Variants in DHCR7 observed in about 807,000 individuals in gnomAD.
The protein encoded by DHCR7 is 7-dehydrocholesterol reductase.
Under a neutral mutation model 43.3 loss-of-function variants are expected in DHCR7, and 40 were observed. That is an observed-to-expected ratio of 0.92 (90% CI 0.72 to 1.20). DHCR7 has a LOEUF of 1.20. Among genes scored for constraint, DHCR7 ranks in the 50% most tolerant of loss-of-function variants. DHCR7 has a pLI of 0.00. For missense variants in DHCR7, 608 were observed against 644.6 expected, an observed-to-expected ratio of 0.94 and a Z score of 0.62; for synonymous variants, 298 against 271.4, an observed-to-expected ratio of 1.10 and a Z score of -0.96.
At chr11:71,442,555 G>A (rs908033830) in intron 4 of DHCR7, among the ~76,000 whole-genome samples, 2 of 152,142 alleles carry the variant, frequency 1.3e-5, no homozygotes, top group Non-Finnish European at 2.9e-5. Context: ...GTGCCAAGGC[G>A]TTCTCCCCCA....
intron 4 of DHCR7, among the ~76,000 whole-genome samples, chr11:71,442,641 T>C (rs1265558188): frequency 6.6e-6 from 1 of 152,042 alleles, no homozygotes; most frequent in Non-Finnish European, 1.5e-5. Flanking sequence ...CCCATAAAAT[T>C]CAACTTTTTA....
At chr11:71,442,200 A>G in intron 5 of DHCR7, 63 bp downstream of exon 5, 2 of 1,227,192 alleles carry the variant, frequency 1.6e-6, no homozygotes, top group Non-Finnish European at 2.4e-6. Context: ...GCTGGGGAGG[A>G]CTGGCCCCTG....
chr11:71,435,114 C>T lies in DHCR7; in HGVS notation c.*261G>A, dbSNP rs886048617. On this transcript the variant is annotated 3_prime_UTR_variant, in exon 9 of 9. Transcript: ENST00000355527. ...GGACTAGTAAAGGTGACTGGGTCAT[C>T]CTCCTGCCCCAGGGACACTGATTAG... 9 of 662,634 alleles carry T rather than the reference C, an allele frequency of 1.4e-5. No homozygotes were observed. The highest frequency in any genetic ancestry group is 2.4e-4 in the Middle Eastern group (1 of 4,212). 41.0% of individuals were successfully genotyped at this position (662,634 alleles called of 1,614,324 possible). A position where few individuals can be genotyped will look rare whatever the true frequency, so the allele number is the denominator to read the frequency against.
Position 71,441,392 on chromosome 11 carries a change from G to C in DHCR7, c.461C>G (p.Thr154Arg), listed in dbSNP as rs143312232. 3.4e-4 allele frequency: 543 copies of C among 1,613,950 alleles called. No homozygotes were observed. The highest frequency in any genetic ancestry group is 4.5e-4 in the Non-Finnish European group (526 of 1,179,930). Residue 154 changes from threonine to arginine, a missense_variant, in exon 6 of 9, where the codon ACG becomes AGG. Coordinates refer to ENST00000355527, the MANE Select transcript of DHCR7 (RefSeq NM_001360.3). ...AGCGTTTGCAAACCAGAGCAGGTGC[G>C]TGAGGAGCCAGGCTTGCAGGCCATT... The part of the protein sequence containing the change: ...QINGLQAWLL[T>R]HLLWFANAHL...
At chr11:71,447,187 A>T (rs1297436915) in intron 2 of DHCR7, among the ~76,000 whole-genome samples, 1 of 152,242 alleles carries the variant, frequency 6.6e-6, no homozygotes, top group East Asian at 1.9e-4. Flanking sequence ...GCCATGGATA[A>T]GCTACAAGGG....
At chr11:71,430,804 T>A (rs977412516), downstream of DHCR7, among the ~76,000 whole-genome samples, 6 of 152,012 alleles carry the variant, frequency 3.9e-5, no homozygotes, top group African/African-American at 1.5e-4. Flanking sequence ...GAGTCTGGAG[T>A]CTTTATAGGT....
intron 2 of DHCR7, among the ~76,000 whole-genome samples, chr11:71,446,176 T>C (rs549392441): frequency 7.0e-6 from 1 of 142,848 alleles, no homozygotes; most frequent in Non-Finnish European, 1.5e-5. Context: ...TCTGAATGTG[T>C]AGGAAAATTA....
intron 6 of DHCR7, among the ~76,000 whole-genome samples, chr11:71,439,390 G>A (rs1949325544): frequency 1.3e-5 from 2 of 152,208 alleles, no homozygotes; most frequent in African/African-American, 4.8e-5. Context: ...GCTGGTACCT[G>A]GGTTTCTCTC....
rs553904428 is a variant in DHCR7 at position 71,442,055 on chromosome 11, C to T, written c.412+208G>A. Among the ~76,000 whole-genome samples, 6 of 152,342 alleles carry T rather than the reference C, an allele frequency of 3.9e-5. No individual in the cohort carries two copies. In the South Asian group the frequency reaches 1.0e-3, roughly 26 times the overall value. ...AAGGAGCTGGGCCATCCATTCCCTCCTTACCCAGGAAAGTGATTTCTAACC... is the reference window on the plus strand; with the variant it reads ...AAGGAGCTGGGCCATCCATTCCCTCTTTACCCAGGAAAGTGATTTCTAACC... On this transcript the variant is annotated intron_variant, in intron 5 of 8. Coordinates refer to ENST00000355527, the MANE Select transcript of DHCR7 (RefSeq NM_001360.3).
chr11:71,441,544 C>T, intron 5 of DHCR7, 104 bp from the exon 6 acceptor site: 1 of 1,001,786 alleles, frequency 1.0e-6, no homozygotes, highest in Non-Finnish European at 1.5e-6. Context: ...CTTTCTGGGC[C>T]TCTGCTGCTG....
At chr11:71,428,660 T>C (rs933628721) in exon 3 of DHCR7, 15 of 345,536 alleles carry the variant, frequency 4.3e-5, no homozygotes, top group Non-Finnish European at 8.0e-5. Context: ...GAGATCTTAG[T>C]GTATTCCAAG....
chr11:71,433,475 A>G (rs1214822027), downstream of DHCR7, among the ~76,000 whole-genome samples: 2 of 152,148 alleles, frequency 1.3e-5, no homozygotes, highest in Admixed American at 1.3e-4. Flanking sequence ...CCAAAAGCTA[A>G]CCTCAGCCAA....
chr11:71,433,168 AGG>A (rs1317368270), downstream of DHCR7, among the ~76,000 whole-genome samples: 2 of 152,240 alleles, frequency 1.3e-5, no homozygotes, highest in African/African-American at 2.4e-5. Context: ...TCATTCTGGA[AGG>A]GGGCAAAGGC....
chr11:71,438,033 G>A (rs1438443194), intron 7 of DHCR7, 90 bp from the exon 8 acceptor site: 9 of 1,483,568 alleles, frequency 6.1e-6, no homozygotes, highest in Non-Finnish European at 8.4e-6. Flanking sequence ...AGATGCAGCA[G>A]GGGGTGCTCG....
downstream of DHCR7, among the ~76,000 whole-genome samples, chr11:71,434,166 G>A (rs541151845): frequency 6.6e-6 from 1 of 152,200 alleles, no homozygotes; most frequent in African/African-American, 2.4e-5. Context: ...ATCTCCTTGG[G>A]GGGGAATGGA....
intron 7 of DHCR7, 64 bp from the exon 8 acceptor site, chr11:71,438,007 A>G: frequency 6.3e-7 from 1 of 1,597,258 alleles, no homozygotes; most frequent in Non-Finnish European, 8.5e-7. Context: ...GACCTCGGGG[A>G]AATCACACTC....
chr11:71,431,562 C>G (rs183444024), downstream of DHCR7, among the ~76,000 whole-genome samples: 2 of 152,224 alleles, frequency 1.3e-5, no homozygotes, highest in East Asian at 3.9e-4. Flanking sequence ...GGAAACCCCC[C>G]TCCTGGCCAG....
Position 71,435,289 on chromosome 11 carries a change from C to G in DHCR7, c.*86G>C. On this transcript the variant is annotated 3_prime_UTR_variant, in exon 9 of 9. Transcript: ENST00000355527. ...TACAGATGAGGAAACTGAGGCTCCT[C>G]GAGTTGGAGCTGGGATGCCAGCCCC... 2 of 1,415,694 alleles carry G rather than the reference C, an allele frequency of 1.4e-6. No homozygotes were observed. Among genetic ancestry groups the G allele is most frequent in the Admixed American group, 3.4e-5 (2 of 59,552 alleles). The allele number at this position is 1,415,694 out of a possible 1,614,324, so 87.7% of individuals were successfully genotyped here.
Position 71,444,054 on chromosome 11 carries a change from G to A in DHCR7, c.260C>T (p.Ala87Val). 1 of 1,613,804 alleles carries A rather than the reference G, an allele frequency of 6.2e-7. No individual in the cohort carries two copies. Residue 87 changes from alanine (A) to valine (V), a missense_variant, in exon 4 of 9, where the codon GCC becomes GTC. Transcript: ENST00000355527. ...TGHARLSDIW[A>V]KTPPITRKAA... ...TTTCCTCGTTATAGGTGGAGTCTTG[G>A]CCCAGATGTCCGAGAGCCGAGCATG...
Sources: allele counts gnomAD v4.1 joint callset (sites outside exome capture counted in the v4.1 genomes callset), GRCh38; gene constraint gnomAD v4.1.1; transcripts MANE v1.5; gene names NCBI Gene and HGNC (gene_info 2026-07-23, HGNC 2026-07-21).